The following ATP7B variants were observed in gnomAD, a reference collection of about 807,000 sequenced individuals.
The protein encoded by ATP7B is ATPase copper transporting beta.
ATP7B carries 113 observed loss-of-function variants against 118.9 expected under a neutral mutation model. The observed-to-expected ratio is 0.95, with a 90% CI of 0.82 to 1.11. The LOEUF is 1.11. ATP7B is among the 50% of genes most tolerant of loss of function. The probability of loss-of-function intolerance (pLI) is 0.00; values close to 1 mark genes in which losing one functional copy is unlikely to be tolerated. For synonymous variants in ATP7B, 777 were observed against 727.4 expected (o/e 1.07, Z -1.10); for missense variants, 1,867 against 1,871.4 (o/e 1.00, Z 0.04).
rs564357604 is a variant in ATP7B, at chr13:51,933,112, C to A, written c.*1644G>T. 1 of 152,328 alleles carries A rather than the reference C, an allele frequency of 6.6e-6. No homozygotes were observed. Among genetic ancestry groups the A allele is most frequent in the Admixed American group, 6.5e-5 (1 of 15,304 alleles). 9.4% of individuals were successfully genotyped at this position (152,328 alleles called of 1,614,324 possible). A position where few individuals can be genotyped will look rare whatever the true frequency, so the allele number is the denominator to read the frequency against. On this transcript the variant is annotated 3_prime_UTR_variant, in exon 21 of 21. Transcript: ENST00000242839. ...GATGACCTCCTGAATCAAGTGCATT[C>A]TGAGTTGAAACAATGAATAGATCAC...
Position 52,000,410 on chromosome 13 carries a change from C to T in ATP7B, c.51+10877G>A, listed in dbSNP as rs551447040. 5.3e-5 allele frequency among the ~76,000 whole-genome samples: 8 copies of T among 152,264 alleles called. No homozygotes were observed. In the South Asian group the frequency reaches 1.7e-3, roughly 32 times the overall value. ...TTCGAGAAGGCAGAGCCCTCATGGC[C>T]AAATCACCTCCTAAAGTCCTCACCT... On this transcript the variant is annotated intron_variant, in intron 1 of 20. Coordinates refer to ENST00000242839, the MANE Select transcript of ATP7B (RefSeq NM_000053.4).
At chr13:51,957,822 T>A in intron 8 of ATP7B, 1 of 585,500 alleles carries the variant, frequency 1.7e-6, no homozygotes, top group Admixed American at 2.9e-5. Flanking sequence ...GCCACTAAAG[T>A]CCGGGAATTA....
chr13:51,974,806 C>T lies in ATP7B; in HGVS notation c.414G>A (p.Leu138=). 1 of 1,614,174 alleles carries T rather than the reference C, an allele frequency of 6.2e-7. No homozygotes were observed. The highest frequency in any genetic ancestry group is 8.5e-7 in the Non-Finnish European group (1 of 1,180,032). The change falls in exon 2 of 21, where the codon TTG becomes TTA. Residue 138 remains leucine (L), a synonymous_variant. Transcript: ENST00000242839. ...GCTTGACCACAGCCTCCTGGGCAGG[C>T]AAGGACCTTGAGGGCCAGGAGGCTG... The part of the protein sequence containing the change: ...GKAASWPSRS[L]PAQEAVVKLR...
intron 13 of ATP7B, among the ~76,000 whole-genome samples, chr13:51,945,808 G>A (rs1383462177): frequency 6.6e-6 from 1 of 152,206 alleles, no homozygotes; most frequent in Non-Finnish European, 1.5e-5. Flanking sequence ...TGGAAGGCCA[G>A]AGGTTAGTAA....
Position 51,964,951 on chromosome 13 carries a change from A to G in ATP7B, c.1790T>C (p.Val597Ala). The change falls in exon 5 of 21, where the codon GTT becomes GCT. Residue 597 changes from valine (V) to alanine (A), a missense_variant. Transcript: ENST00000242839. The stretch of plus-strand genomic sequence containing the variant: ...AAGGGCTTTGCTGGTGGCAAGGGCA[A>G]CGGAGGCATAAGTGATGCCATTTGT... ...TRTNGITYAS[V>A]ALATSKALVK... The G allele has an allele frequency of 6.2e-7, 1 of 1,614,230 alleles. No homozygotes were observed. Among genetic ancestry groups the G allele is most frequent in the East Asian group, 2.2e-5 (1 of 44,890 alleles).
chr13:51,960,357 A>G (rs769225365), intron 6 of ATP7B, 35 bp from the exon 7 acceptor site: 1 of 1,603,804 alleles, frequency 6.2e-7, no homozygotes, highest in South Asian at 1.1e-5. Flanking sequence ...GATATATCAG[A>G]TGCTGCTTGT....
chr13:51,955,247 A>G (rs1958262721), intron 9 of ATP7B, among the ~76,000 whole-genome samples: 1 of 152,198 alleles, frequency 6.6e-6, no homozygotes, highest in Non-Finnish European at 1.5e-5. Flanking sequence ...CTGGGAAACC[A>G]GTGTCCAGTG....
At chr13:52,008,472 C>T (rs1269180028) in intron 1 of ATP7B, among the ~76,000 whole-genome samples, 1 of 152,192 alleles carries the variant, frequency 6.6e-6, no homozygotes, top group Non-Finnish European at 1.5e-5. Context: ...CCCCTAATCA[C>T]ATGGTTGGTT....
At position 51,974,250 on chromosome 13, in the gene ATP7B, T is replaced by TA; in HGVS notation, c.969dup (p.Lys324Ter). 6.2e-7 allele frequency: 1 copy of TA among 1,614,054 alleles called. No individual in the cohort carries two copies. Among genetic ancestry groups the TA allele is most frequent in the African/African-American group, 1.3e-5 (1 of 74,994 alleles). Reference sequence around the variant, plus strand: ...TCGGCTCCATCAGGAAGAGAAACTTTAAAATTCCCAGGTGGAAGTGCCTCG... The same window carrying TA: ...TCGGCTCCATCAGGAAGAGAAACTTTAAAAATTCCCAGGTGGAAGTGCCTCG... On this transcript the variant is annotated frameshift_variant, in exon 2 of 21. Coordinates refer to ENST00000242839, the MANE Select transcript of ATP7B (RefSeq NM_000053.4). LOFTEE classifies it high-confidence loss of function.
chr13:51,965,153 A>C, intron 4 of ATP7B, 120 bp from the exon 5 acceptor site: 36 of 1,263,224 alleles, frequency 2.8e-5, no homozygotes, highest in Non-Finnish European at 3.7e-5. Context: ...CACTGCTCTC[A>C]AGACCCTGGA....
intron 9 of ATP7B, among the ~76,000 whole-genome samples, chr13:51,956,231 C>T (rs898161752): frequency 4.6e-5 from 7 of 152,176 alleles, no homozygotes; most frequent in African/African-American, 1.7e-4. Context: ...ATCTGTGTGG[C>T]CCCGGTCAGT....
In ATP7B at chr13:51,960,302, C is replaced by A; in HGVS notation, c.1967G>T (p.Cys656Phe). ...GACAGGGATGCCAAACACCAGGCTGCACAGGAAAGACTTCTTCCACCTGGA... is the reference window on the plus strand; with the variant it reads ...GACAGGGATGCCAAACACCAGGCTGAACAGGAAAGACTTCTTCCACCTGGA... ...EIKQWKKSFL[C>F]SLVFGIPVMA... The change falls in exon 7 of 21, where the codon TGC becomes TTC. Residue 656 changes from cysteine to phenylalanine, a missense_variant. Physicochemically the swap from Cys to Phe is radical, Grantham distance 205. Transcript: ENST00000242839. 1 of 1,613,504 alleles carries A rather than the reference C, an allele frequency of 6.2e-7. No homozygotes were observed. Among genetic ancestry groups the A allele is most frequent in the East Asian group, 2.2e-5 (1 of 44,890 alleles).
intron 16 of ATP7B, among the ~76,000 whole-genome samples, chr13:51,940,506 G>A (rs867255373): frequency 6.6e-6 from 1 of 151,744 alleles, no homozygotes; most frequent in Admixed American, 6.6e-5. Context: ...GTAGCTGGGC[G>A]TGGTGGCGGG....
intron 1 of ATP7B, among the ~76,000 whole-genome samples, chr13:51,989,838 T>A (rs1952827023): frequency 6.6e-6 from 1 of 152,208 alleles, no homozygotes; most frequent in African/African-American, 2.4e-5. Context: ...GAATCTTCTC[T>A]AATAACACTC....
chr13:51,969,559 C>T (rs1382255112), intron 3 of ATP7B, among the ~76,000 whole-genome samples: 1 of 151,862 alleles, frequency 6.6e-6, no homozygotes, highest in Non-Finnish European at 1.5e-5. Context: ...AGAAATCCCA[C>T]AATCTTGCTA....
At chr13:52,009,558 C>T (rs1421082111) in intron 1 of ATP7B, among the ~76,000 whole-genome samples, 1 of 152,190 alleles carries the variant, frequency 6.6e-6, no homozygotes, top group African/African-American at 2.4e-5. Context: ...AACCACCTTG[C>T]CTTCCTTTGA....
Position 51,964,928 on chromosome 13 carries a change from G to C in ATP7B, c.1813C>G (p.Leu605Val). 1 of 1,614,052 alleles carries C rather than the reference G, an allele frequency of 6.2e-7. No homozygotes were observed. The highest frequency in any genetic ancestry group is 8.5e-7 in the Non-Finnish European group (1 of 1,180,020). ...ATAATTTCCGGGTCAAACTTAACAA[G>C]GGCTTTGCTGGTGGCAAGGGCAACG... ...ASVALATSKA[L>V]VKFDPEIIGP... Residue 605 changes from leucine to valine, a missense_variant, in exon 5 of 21, where the codon CTT becomes GTT. Leu to Val is a conservative substitution (Grantham distance 32). Coordinates refer to ENST00000242839, the MANE Select transcript of ATP7B (RefSeq NM_000053.4).
chr13:51,939,246 C>G, intron 16 of ATP7B, 53 bp from the exon 17 acceptor site: 1 of 1,605,662 alleles, frequency 6.2e-7, no homozygotes, highest in South Asian at 1.1e-5. Flanking sequence ...CACCCCGCAC[C>G]AAGATACCAC....
In ATP7B at chr13:51,974,568, T is replaced by G. The variant is rs772710739; in HGVS notation, c.652A>C (p.Ser218Arg). Reference protein sequence around the residue: ...AAIKSKVAPLSLGPIDIERLQ... With the variant: ...AAIKSKVAPLRLGPIDIERLQ... ...CGCTCAATATCAATTGGTCCCAGGC[T>G]TAAGGGAGCCACTTTGCTCTTGATG... is the stretch of plus-strand genomic sequence containing the variant. The change falls in exon 2 of 21, where the codon AGC (serine) becomes CGC (arginine). Residue 218 changes from serine (S) to arginine (R), a missense_variant. Physicochemically the swap from Ser to Arg is moderately radical, Grantham distance 110. Coordinates refer to ENST00000242839, the MANE Select transcript of ATP7B (RefSeq NM_000053.4). 7 of 1,614,050 alleles carry G rather than the reference T, an allele frequency of 4.3e-6. No homozygotes were observed. The African/African-American group carries it at 9.3e-5, about 22-fold the overall frequency.
Sources: gnomAD v4.1 joint callset for allele counts (sites outside exome capture counted in the v4.1 genomes callset) on GRCh38, gnomAD v4.1.1 for gene constraint, MANE v1.5 for transcripts, NCBI Gene and HGNC (gene_info 2026-07-23, HGNC 2026-07-21) for gene names.